PTER: variants seen among roughly 807,000 people sequenced by gnomAD.
PTER encodes phosphotriesterase related.
PTER carries 38 observed loss-of-function variants against 29.6 expected under a neutral mutation model. That is an observed-to-expected ratio of 1.28 (90% CI 0.99 to 1.68). The LOEUF (loss-of-function observed/expected upper bound fraction) is 1.68. PTER is among the 40% of genes most tolerant of loss of function. The pLI is 0.00. For missense variants in PTER, 482 were observed against 427.8 expected, an observed-to-expected ratio of 1.13 and a Z score of -1.12; for synonymous variants, 172 against 154.5, an observed-to-expected ratio of 1.11 and a Z score of -0.84.
At chr10:16,462,264 G>A (rs1834641551) in intron 1 of PTER, among the ~76,000 whole-genome samples, 1 of 152,142 alleles carries the variant, frequency 6.6e-6, no homozygotes, top group South Asian at 2.1e-4. Context: ...GGGATTACAG[G>A]TGTGAGCCAC....
At chr10:16,492,810 T>C (rs1835947828) in intron 3 of PTER, among the ~76,000 whole-genome samples, 1 of 152,234 alleles carries the variant, frequency 6.6e-6, no homozygotes, top group African/African-American at 2.4e-5. Flanking sequence ...TCACTGTCTT[T>C]GAAAATTCCT....
intron 3 of PTER, among the ~76,000 whole-genome samples, chr10:16,492,796 C>T (rs1020757454): frequency 3.9e-5 from 6 of 152,144 alleles, no homozygotes; most frequent in Non-Finnish European, 8.8e-5. Context: ...AGGAAAATAG[C>T]GCATCACTGT....
chr10:16,448,904 C>T (rs1209205946), intron 1 of PTER, among the ~76,000 whole-genome samples: 1 of 152,210 alleles, frequency 6.6e-6, no homozygotes, highest in Non-Finnish European at 1.5e-5. Context: ...TGGCTGCATT[C>T]TAGGTACCAG....
chr10:16,476,390 T>C (rs2133429133), intron 1 of PTER, among the ~76,000 whole-genome samples: 1 of 152,210 alleles, frequency 6.6e-6, no homozygotes, highest in South Asian at 2.1e-4. Context: ...TCATACTTTC[T>C]TATTTAAGTG....
chr10:16,506,500 A>C (rs1179768629), intron 4 of PTER, among the ~76,000 whole-genome samples: 1 of 152,198 alleles, frequency 6.6e-6, no homozygotes, highest in East Asian at 1.9e-4. Context: ...TCTGGTGCAG[A>C]ATATGGAAGT....
At chr10:16,448,736 G>A (rs977660688) in intron 1 of PTER, among the ~76,000 whole-genome samples, 4 of 152,168 alleles carry the variant, frequency 2.6e-5, no homozygotes, top group Non-Finnish European at 5.9e-5. Context: ...AAAAGCGATC[G>A]GGGTCCCTCT....
intron 3 of PTER, among the ~76,000 whole-genome samples, chr10:16,497,870 G>A (rs1195137623): frequency 3.3e-5 from 5 of 152,006 alleles, no homozygotes; most frequent in Non-Finnish European, 7.4e-5. Context: ...AAGAAACTGG[G>A]TATATGATAA....
At chr10:16,498,995 C>T (rs1439673927) in intron 3 of PTER, among the ~76,000 whole-genome samples, 1 of 152,164 alleles carries the variant, frequency 6.6e-6, no homozygotes, top group Non-Finnish European at 1.5e-5. Context: ...GGAGGAGGAA[C>T]GGAGTTGCCC....
downstream of PTER, among the ~76,000 whole-genome samples, chr10:16,515,486 T>C (rs1044502171): frequency 6.6e-6 from 1 of 152,180 alleles, no homozygotes; most frequent in Admixed American, 6.5e-5. Context: ...CTCTCAAGTT[T>C]CAAGAATTTT....
intron 1 of PTER, among the ~76,000 whole-genome samples, chr10:16,443,854 T>G (rs1449653665): frequency 1.3e-5 from 2 of 152,216 alleles, no homozygotes; most frequent in African/African-American, 4.8e-5. Flanking sequence ...CGCTAGAGTA[T>G]GCTGTGGTCC....
intron 4 of PTER, among the ~76,000 whole-genome samples, chr10:16,507,932 A>C (rs967037556): frequency 3.3e-5 from 5 of 152,246 alleles, no homozygotes; most frequent in Non-Finnish European, 5.9e-5. Context: ...AGAGGAGACT[A>C]TTCCTTGCCT....
chr10:16,481,682 C>T (rs1835485805), intron 1 of PTER, among the ~76,000 whole-genome samples: 1 of 152,094 alleles, frequency 6.6e-6, no homozygotes, highest in South Asian at 2.1e-4. Flanking sequence ...AGCTTGTGAG[C>T]TTGAAACGTA....
At chr10:16,454,062 A>G (rs1010729450) in intron 1 of PTER, among the ~76,000 whole-genome samples, 27 of 152,260 alleles carry the variant, frequency 1.8e-4, no homozygotes, top group Non-Finnish European at 1.9e-4. Flanking sequence ...GGAAATAGTG[A>G]TATGTTCAGA....
At chr10:16,440,643 A>C (rs1833817348) in intron 1 of PTER, among the ~76,000 whole-genome samples, 1 of 152,204 alleles carries the variant, frequency 6.6e-6, no homozygotes. Flanking sequence ...TGTCACTTCC[A>C]GGTAAAACTG....
intron 3 of PTER, among the ~76,000 whole-genome samples, chr10:16,500,433 G>T (rs1836291179): frequency 6.6e-6 from 1 of 151,850 alleles, no homozygotes; most frequent in African/African-American, 2.4e-5. Context: ...AAGTTTCATT[G>T]TAGACACAGG....
chr10:16,463,712 G>A (rs978076456), intron 1 of PTER, among the ~76,000 whole-genome samples: 1 of 152,150 alleles, frequency 6.6e-6, no homozygotes, highest in Non-Finnish European at 1.5e-5. Context: ...CACCATGCCC[G>A]GCCAACGCAT....
At chr10:16,449,417 A>G (rs1397487833) in intron 1 of PTER, among the ~76,000 whole-genome samples, 1 of 149,130 alleles carries the variant, frequency 6.7e-6, no homozygotes, top group African/African-American at 2.5e-5. Context: ...AAGGGTTTCA[A>G]CAATAATTTT....
chr10:16,470,768 A>T (rs1301596030), intron 1 of PTER, among the ~76,000 whole-genome samples: 1 of 151,778 alleles, frequency 6.6e-6, no homozygotes, highest in Non-Finnish European at 1.5e-5. Flanking sequence ...GCTCCATCTC[A>T]AAAAAAACAA....
chr10:16,516,947 T>A (rs1836961164), downstream of PTER, among the ~76,000 whole-genome samples: 1 of 152,308 alleles, frequency 6.6e-6, no homozygotes, highest in South Asian at 2.1e-4. Flanking sequence ...CATACTCCAG[T>A]GTACCTGGCA....
Sources: gnomAD v4.1 joint callset for allele counts (sites outside exome capture counted in the v4.1 genomes callset) on GRCh38, gnomAD v4.1.1 for gene constraint, MANE v1.5 for transcripts, NCBI Gene and HGNC (gene_info 2026-07-23, HGNC 2026-07-21) for gene names.